Variants in LRPPRC observed in about 807,000 individuals in gnomAD.
The protein encoded by LRPPRC is leucine-rich PPR motif-containing protein, mitochondrial.
In LRPPRC, 120 loss-of-function variants were observed where a neutral mutation model predicts 180.3. The observed-to-expected ratio is 0.67, with a 90% confidence interval of 0.57 to 0.77. LRPPRC has a LOEUF of 0.77. LRPPRC is among the 30% of genes least tolerant of loss of function. LRPPRC has a pLI of 0.00. For synonymous variants in LRPPRC, 723 were observed against 600.0 expected, an observed-to-expected ratio of 1.21 and a Z score of -3.00; for missense variants, 2,012 against 1,657.2, an observed-to-expected ratio of 1.21 and a Z score of -3.72.
chr2:43,938,672 G>C (rs149762173), intron 23 of LRPPRC, among the ~76,000 whole-genome samples: 1 of 152,156 alleles, frequency 6.6e-6, no homozygotes, highest in Non-Finnish European at 1.5e-5. Flanking sequence ...ACTGAAGTAT[G>C]CTATAACGTC....
At chr2:43,993,058 AAAGAG>A (rs1188902060) in intron 1 of LRPPRC, among the ~76,000 whole-genome samples, 1 of 152,246 alleles carries the variant, frequency 6.6e-6, no homozygotes, top group Non-Finnish European at 1.5e-5. Flanking sequence ...GACAAATCCT[AAAGAG>A]AAGAGAACCT....
At chr2:43,924,510 A>ATAGGCTGAATAAATTTTAGTAT (rs1671808154) in intron 27 of LRPPRC, among the ~76,000 whole-genome samples, 1 of 152,214 alleles carries the variant, frequency 6.6e-6, no homozygotes, top group Admixed American at 6.5e-5. Flanking sequence ...ATAGGAGATG[A>ATAGGCTGAATAAATTTTAGTAT]TAGGCTGAAT....
At chr2:43,923,753 T>G (rs887194181) in intron 27 of LRPPRC, among the ~76,000 whole-genome samples, 1 of 151,932 alleles carries the variant, frequency 6.6e-6, no homozygotes, top group African/African-American at 2.4e-5. Context: ...CCATGAGGAC[T>G]ACTTGAAATA....
chr2:43,948,308 T>A, intron 17 of LRPPRC, 104 bp downstream of exon 17: 1 of 919,236 alleles, frequency 1.1e-6, no homozygotes, highest in South Asian at 1.3e-5. Flanking sequence ...AACTCTTGCA[T>A]GTCATTGAGA....
Position 43,887,896 on chromosome 2 carries a change from G to T in LRPPRC, c.*704C>A, listed in dbSNP as rs1217158430. On this transcript the variant is annotated 3_prime_UTR_variant, in exon 38 of 38. Coordinates refer to ENST00000260665, the MANE Select transcript of LRPPRC (RefSeq NM_133259.4). The stretch of plus-strand genomic sequence containing the variant: ...ACAAAGTCCTGAAACTACAATGAGA[G>T]GAAACACATTGCTCTACTTCGGGAT... The T allele has an allele frequency of 6.6e-6, 1 of 152,450 alleles. No individual in the cohort carries two copies. The highest frequency in any genetic ancestry group is 1.9e-4 in the East Asian group (1 of 5,208). The allele number at this position is 152,450 out of a possible 1,614,324, so 9.4% of individuals were successfully genotyped here.
intron 6 of LRPPRC, 42 bp from the exon 7 acceptor site, chr2:43,975,259 A>C (rs1469167646): frequency 6.4e-7 from 1 of 1,563,368 alleles, no homozygotes; most frequent in Non-Finnish European, 8.8e-7. Flanking sequence ...GCTTTTGCCA[A>C]ATTTAATATA....
intron 27 of LRPPRC, among the ~76,000 whole-genome samples, chr2:43,924,547 TAA>T (rs1291477439): frequency 3.3e-5 from 5 of 152,194 alleles, no homozygotes; most frequent in African/African-American, 4.8e-5. Context: ...ATGTAGTATA[TAA>T]GTTATTTGTA....
At chr2:43,980,685 T>C (rs1674267712) in intron 2 of LRPPRC, among the ~76,000 whole-genome samples, 1 of 152,126 alleles carries the variant, frequency 6.6e-6, no homozygotes, top group Non-Finnish European at 1.5e-5. Flanking sequence ...TAAGCTTCCC[T>C]CTCCCTATAT....
Position 43,963,718 on chromosome 2 carries a change from A to C in LRPPRC, c.1370-12T>G. The C allele has an allele frequency of 7.7e-7, 1 of 1,298,074 alleles. No individual in the cohort carries two copies. 80.4% of individuals were successfully genotyped at this position (1,298,074 alleles called of 1,614,324 possible). A position where few individuals can be genotyped will look rare whatever the true frequency, so the allele number is the denominator to read the frequency against. On this transcript the variant is annotated splice_polypyrimidine_tract_variant and intron_variant, in intron 11 of 37. Coordinates refer to ENST00000260665, the MANE Select transcript of LRPPRC (RefSeq NM_133259.4). ...GATTTCAATTATACCTACCAAATAA[A>C]ATGTAGAAGCACAGAGATAGAGAAC...
intron 30 of LRPPRC, among the ~76,000 whole-genome samples, chr2:43,908,350 A>G (rs1671133496): frequency 1.3e-5 from 2 of 152,190 alleles, no homozygotes; most frequent in South Asian, 4.1e-4. Flanking sequence ...TGAAAGAAAG[A>G]TGGCTTATTG....
Position 43,934,833 on chromosome 2 carries a change from T to G in LRPPRC, c.2550A>C (p.Glu850Asp). Residue 850 changes from glutamate to aspartate, a missense_variant, in exon 24 of 38, where the codon GAA (glutamate) becomes GAC (aspartate). Physicochemically the swap from Glu to Asp is conservative, Grantham distance 45. Transcript: ENST00000260665. Reference sequence around the variant, plus strand: ...GAATCCTTGGTAATACTTTATACTTTTCATAGCAGTCAATGGCGACCTCAA... The same window carrying G: ...GAATCCTTGGTAATACTTTATACTTGTCATAGCAGTCAATGGCGACCTCAA... ...TALEVAIDCY[E>D]KYKVLPRIHD... 1 of 1,612,804 alleles carries G rather than the reference T, an allele frequency of 6.2e-7. No homozygotes were observed. The highest frequency in any genetic ancestry group is 8.5e-7 in the Non-Finnish European group (1 of 1,178,884).
rs548203566 is a variant in LRPPRC at position 43,970,767 on chromosome 2, C to T, written c.1369+2840G>A. 8.5e-5 allele frequency among the ~76,000 whole-genome samples: 13 copies of T among 152,292 alleles called. No homozygotes were observed. In the East Asian group the frequency reaches 1.9e-3, roughly 23 times the overall value. Reference sequence around the variant, plus strand: ...TCCACAGGATTTTACACTCTAGCCACGGCACTCACTTTATTAGGAGGCAAC... The same window carrying T: ...TCCACAGGATTTTACACTCTAGCCATGGCACTCACTTTATTAGGAGGCAAC... On this transcript the variant is annotated intron_variant, in intron 11 of 37. Transcript: ENST00000260665.
intron 17 of LRPPRC, 25 bp downstream of exon 17, chr2:43,948,387 T>C: frequency 7.1e-7 from 1 of 1,401,596 alleles, no homozygotes; most frequent in Non-Finnish European, 1.0e-6. Context: ...GGACAGGCAT[T>C]ATATAGCAAA....
chr2:43,969,430 C>T (rs920155949), intron 11 of LRPPRC, among the ~76,000 whole-genome samples: 3 of 151,054 alleles, frequency 2.0e-5, no homozygotes, highest in African/African-American at 7.3e-5. Flanking sequence ...AAAAAGAAAC[C>T]AAGTCTCTTA....
At chr2:43,962,504 C>T (rs772242074) in intron 12 of LRPPRC, among the ~76,000 whole-genome samples, 1 of 152,226 alleles carries the variant, frequency 6.6e-6, no homozygotes, top group Non-Finnish European at 1.5e-5. Context: ...ATTAGGTGCT[C>T]TGCCAACTTG....
intron 27 of LRPPRC, among the ~76,000 whole-genome samples, chr2:43,921,722 G>A (rs1022580434): frequency 1.9e-4 from 29 of 152,114 alleles, no homozygotes; most frequent in African/African-American, 5.8e-4. Context: ...TACATTGTTT[G>A]AATCTTTAGT....
intron 23 of LRPPRC, among the ~76,000 whole-genome samples, chr2:43,938,450 T>TA (rs1366481021): frequency 1.3e-5 from 2 of 152,206 alleles, no homozygotes; most frequent in African/African-American, 4.8e-5. Context: ...AAACTTAAAA[T>TA]AGAGTTAAAT....
chr2:43,995,688 G>A, intron 1 of LRPPRC, 111 bp downstream of exon 1: 2 of 1,078,806 alleles, frequency 1.9e-6, no homozygotes, highest in Non-Finnish European at 2.4e-6. Flanking sequence ...CTAGGTCCTG[G>A]GGCGGGGAGA....
rs1471293515 is a variant in LRPPRC at position 43,941,836 on chromosome 2, CT to C, written c.2504+1850del. 2.1e-4 allele frequency among the ~76,000 whole-genome samples: 12 copies of C among 55,866 alleles called. No homozygotes were observed. In the East Asian group the frequency reaches 5.0e-3, roughly 23 times the overall value. The allele number at this position is 55,866 out of a possible 152,430, so 36.7% of individuals were successfully genotyped here. ...ATGGAGACTGCATTAGCAAAGTAGT[CT>C]AAAAAAAAAAAAAAAAAAAAACTAG... On this transcript the variant is annotated intron_variant, in intron 23 of 37. Coordinates refer to ENST00000260665, the MANE Select transcript of LRPPRC (RefSeq NM_133259.4).
Sources: allele counts gnomAD v4.1 joint callset (sites outside exome capture counted in the v4.1 genomes callset), GRCh38; gene constraint gnomAD v4.1.1; transcripts MANE v1.5; gene names NCBI Gene and HGNC (gene_info 2026-07-23, HGNC 2026-07-21).